C12orf42: variants seen among roughly 807,000 people sequenced by gnomAD.
C12orf42 encodes the protein chromosome 12 open reading frame 42.
C12orf42 carries 25 observed loss-of-function variants against 21.6 expected under a neutral mutation model. The observed-to-expected ratio is 1.16, with a 90% CI of 0.84 to 1.62. C12orf42 has a LOEUF of 1.62. Among genes scored for constraint, C12orf42 ranks in the 40% most tolerant of loss-of-function variants. The pLI is 0.00. For synonymous variants in C12orf42, 174 were observed against 175.0 expected, an observed-to-expected ratio of 0.99 and a Z score of 0.05; for missense variants, 483 against 459.3, an observed-to-expected ratio of 1.05 and a Z score of -0.47.
the C12orf42 span, among the ~76,000 whole-genome samples, chr12:103,101,964 A>C: frequency 6.6e-6 from 1 of 152,234 alleles, no homozygotes; most frequent in African/African-American, 2.4e-5. Flanking sequence ...GCATGGTACC[A>C]AGAGAAAGAG....
chr12:103,508,387 G>A, the C12orf42 span, among the ~76,000 whole-genome samples: 3 of 152,120 alleles, frequency 2.0e-5, no homozygotes, highest in African/African-American at 7.2e-5. Context: ...TTTTGAGTTT[G>A]TCTTAGCAAC....
At chr12:103,404,024 A>C (rs1317348020) in intron 2 of C12orf42, among the ~76,000 whole-genome samples, 1 of 152,236 alleles carries the variant, frequency 6.6e-6, no homozygotes, top group East Asian at 1.9e-4. Context: ...CTGACCATCT[A>C]TACAAAGCAG....
the C12orf42 span, chr12:103,167,908 GTGTGTT>G: frequency 0.051 from 13,796 of 271,014 alleles, 891 homozygotes; most frequent in East Asian, 0.34. Flanking sequence ...GTGTGTGTGT[GTGTGTT>G]TGTGTCTGTG....
chr12:103,304,638 A>G (rs576184650), intron 5 of C12orf42, among the ~76,000 whole-genome samples: 1 of 152,334 alleles, frequency 6.6e-6, no homozygotes, highest in East Asian at 1.9e-4. Flanking sequence ...ATAGGAAAAT[A>G]ACAGTTTCTA....
At chr12:103,235,286 G>T (rs1288358842), downstream of C12orf42, among the ~76,000 whole-genome samples, 1 of 152,080 alleles carries the variant, frequency 6.6e-6, no homozygotes, top group African/African-American at 2.4e-5. Flanking sequence ...AGCTAGATTT[G>T]TCCCTATTTT....
chr12:103,432,794 C>G (rs1376803548), intron 2 of C12orf42, among the ~76,000 whole-genome samples: 8 of 152,106 alleles, frequency 5.3e-5, no homozygotes, highest in South Asian at 2.1e-4. Context: ...GAGGGATGAC[C>G]ATGTGAGGGC....
At chr12:103,186,217 A>G in the C12orf42 span, among the ~76,000 whole-genome samples, 1 of 152,210 alleles carries the variant, frequency 6.6e-6, no homozygotes, top group African/African-American at 2.4e-5. Flanking sequence ...TTTCATGGCT[A>G]TAGGCTTTTA....
the C12orf42 span, among the ~76,000 whole-genome samples, chr12:103,171,538 G>A: frequency 6.6e-6 from 1 of 152,100 alleles, no homozygotes; most frequent in African/African-American, 2.4e-5. Flanking sequence ...AATGGGGAAG[G>A]TAGAGTTAAA....
At chr12:103,180,712 T>A in the C12orf42 span, among the ~76,000 whole-genome samples, 1 of 131,696 alleles carries the variant, frequency 7.6e-6, no homozygotes, top group South Asian at 2.7e-4. Context: ...CACCACAAAC[T>A]GCACCTCCTG....
chr12:103,521,844 G>T, the C12orf42 span, among the ~76,000 whole-genome samples: 6 of 152,242 alleles, frequency 3.9e-5, no homozygotes. Context: ...GTTGCAGTTT[G>T]GTGCTGCCTG....
At chr12:103,247,317 A>G (rs867313160) in intron 10 of C12orf42, among the ~76,000 whole-genome samples, 1 of 152,038 alleles carries the variant, frequency 6.6e-6, no homozygotes, top group African/African-American at 2.4e-5. Context: ...CTTGAAAAAA[A>G]TAGAGCCAGA....
At chr12:103,137,679 T>C in the C12orf42 span, among the ~76,000 whole-genome samples, 2 of 152,202 alleles carry the variant, frequency 1.3e-5, no homozygotes, top group Non-Finnish European at 2.9e-5. Flanking sequence ...CAGAATGGAA[T>C]ACTAGTCATC....
chr12:103,268,272 T>G (rs567110067), downstream of C12orf42: 7 of 152,196 alleles, frequency 4.6e-5, no homozygotes. Context: ...TAATAGATCA[T>G]GAGCATCCTG....
chr12:103,428,205 G>C (rs10861005), intron 2 of C12orf42, among the ~76,000 whole-genome samples: 95,809 of 151,828 alleles, frequency 0.63, 31,015 homozygotes, highest in Admixed American at 0.73. Flanking sequence ...AGACTAGCAA[G>C]ATGGATAGAC....
the C12orf42 span, among the ~76,000 whole-genome samples, chr12:103,226,618 C>A: frequency 2.6e-5 from 4 of 152,080 alleles, no homozygotes; most frequent in Non-Finnish European, 5.9e-5. Context: ...GGGCTAGTCA[C>A]GGAAAGAAAC....
At chr12:103,521,950 T>C in the C12orf42 span, among the ~76,000 whole-genome samples, 1 of 152,214 alleles carries the variant, frequency 6.6e-6, no homozygotes, top group Non-Finnish European at 1.5e-5. Context: ...AAGACATTAA[T>C]GGATAACCAG....
At chr12:103,113,608 T>G in the C12orf42 span, among the ~76,000 whole-genome samples, 36 of 152,296 alleles carry the variant, frequency 2.4e-4, no homozygotes, top group African/African-American at 7.7e-4. Context: ...TAGAGGACCT[T>G]GATGTTGCTT....
chr12:103,124,389 T>G, the C12orf42 span, among the ~76,000 whole-genome samples: 1 of 152,020 alleles, frequency 6.6e-6, no homozygotes, highest in African/African-American at 2.4e-5. Context: ...CTGCTCACAA[T>G]AGGGCCATCT....
At chr12:103,334,540 CCT>C (rs1198507465) in intron 4 of C12orf42, among the ~76,000 whole-genome samples, 1 of 152,088 alleles carries the variant, frequency 6.6e-6, no homozygotes, top group Non-Finnish European at 1.5e-5. Flanking sequence ...GCAGGGAAAT[CCT>C]CTGAGTACAA....
Sources: allele counts gnomAD v4.1 joint callset (sites outside exome capture counted in the v4.1 genomes callset), GRCh38; gene constraint gnomAD v4.1.1; transcripts MANE v1.5; gene names NCBI Gene and HGNC (gene_info 2026-07-23, HGNC 2026-07-21).